CYRIB: variants seen among roughly 807,000 people sequenced by gnomAD.
CYRIB encodes the protein CYFIP related Rac1 interactor B.
A neutral mutation model predicts 44.2 loss-of-function variants in CYRIB; 8 were observed. That is an observed-to-expected ratio of 0.18 (90% CI 0.11 to 0.33). The LOEUF (loss-of-function observed/expected upper bound fraction) is 0.33. Ranked by LOEUF, CYRIB falls within the 10% of genes least tolerant of loss-of-function variation. CYRIB has a pLI of 1.00. For synonymous variants in CYRIB, 131 were observed against 127.2 expected (o/e 1.03, Z -0.20); for missense variants, 185 against 382.8 (o/e 0.48, Z 4.31).
chr8:130,003,659 T>A (rs1372953464), intron 1 of CYRIB, among the ~76,000 whole-genome samples: 1 of 152,204 alleles, frequency 6.6e-6, no homozygotes, highest in Non-Finnish European at 1.5e-5. Flanking sequence ...TTGGGGATGA[T>A]CAGGGAAAAC....
rs534296856 is a variant in CYRIB, at chr8:129,933,725, T to C, written c.-50+5883A>G. 7.9e-4 allele frequency among the ~76,000 whole-genome samples: 120 copies of C among 152,072 alleles called. 2 individuals carry two copies. Among genetic ancestry groups the C allele is most frequent in the Admixed American group, 2.0e-3 (30 of 15,264 alleles). ...CCCTGTCTCTAGTGAAAATATAAAA[T>C]TAGCTGGGCATGGTGGCACGCATCT... On this transcript the variant is annotated intron_variant, in intron 1 of 11. Transcript: ENST00000519824.
chr8:129,871,642 A>G, intron 3 of CYRIB, 146 bp from the exon 6 acceptor site: 1 of 784,726 alleles, frequency 1.3e-6, no homozygotes, highest in Non-Finnish European at 2.0e-6. Flanking sequence ...GAAAAGACTA[A>G]TACTTTTTCC....
At chr8:129,962,903 T>C (rs2131815335) in intron 2 of CYRIB, among the ~76,000 whole-genome samples, 1 of 152,340 alleles carries the variant, frequency 6.6e-6, no homozygotes, top group South Asian at 2.1e-4. Flanking sequence ...CTTTCCCTCA[T>C]TCTCAGTCTC....
chr8:130,003,410 C>A (rs1458247711), intron 1 of CYRIB, among the ~76,000 whole-genome samples: 3 of 152,194 alleles, frequency 2.0e-5, no homozygotes, highest in Admixed American at 6.5e-5. Context: ...TGGCCACCAG[C>A]AAGAAAATGC....
intron 2 of CYRIB, among the ~76,000 whole-genome samples, chr8:129,883,309 G>A (rs2061493336): frequency 6.6e-6 from 1 of 151,582 alleles, no homozygotes; most frequent in African/African-American, 2.4e-5. Flanking sequence ...TACAAGCTGT[G>A]ACAATCAAAA....
chr8:129,907,321 A>C (rs935945454), intron 1 of CYRIB, among the ~76,000 whole-genome samples: 4 of 151,774 alleles, frequency 2.6e-5, no homozygotes, highest in Non-Finnish European at 5.9e-5. Context: ...GCTGGAAATC[A>C]TCATTCTCAG....
intron 2 of CYRIB, among the ~76,000 whole-genome samples, chr8:129,960,949 C>CA (rs35845303): frequency 0.44 from 44,873 of 102,366 alleles, 8,238 homozygotes; most frequent in East Asian, 0.57. Context: ...GACTCAGTCT[C>CA]AAAAAAAAAA....
At chr8:129,937,881 TTCTCTCTC>T (rs35554242) in intron 1 of CYRIB, among the ~76,000 whole-genome samples, 350 of 147,682 alleles carry the variant, frequency 2.4e-3, no homozygotes, top group African/African-American at 3.6e-3. Context: ...CAAATACACA[TTCTCTCTC>T]TCTCTCTCTC....
intron 1 of CYRIB, among the ~76,000 whole-genome samples, chr8:129,994,659 C>T (rs1041077882): frequency 7.9e-5 from 12 of 152,248 alleles, no homozygotes; most frequent in African/African-American, 2.9e-4. Flanking sequence ...TGCCTTGCTA[C>T]AGCCTGGCGG....
chr8:129,980,227 CAA>C (rs58630436), intron 1 of CYRIB, among the ~76,000 whole-genome samples: 44,255 of 90,676 alleles, frequency 0.49, 8,547 homozygotes, highest in African/African-American at 0.7. Flanking sequence ...GACTCCATCT[CAA>C]AAAAAAAAAA....
At chr8:129,859,399 T>C (rs1273112390) in intron 5 of CYRIB, among the ~76,000 whole-genome samples, 4 of 151,932 alleles carry the variant, frequency 2.6e-5, no homozygotes, top group Non-Finnish European at 5.9e-5. Context: ...TCCGGATAAC[T>C]GCAGGTGGGC....
At chr8:129,957,752 T>G (rs985764903) in intron 2 of CYRIB, among the ~76,000 whole-genome samples, 1 of 150,736 alleles carries the variant, frequency 6.6e-6, no homozygotes. Flanking sequence ...GATCATGAGG[T>G]CAGGAGATCA....
intron 2 of CYRIB, among the ~76,000 whole-genome samples, chr8:129,965,969 G>A (rs184075321): frequency 1.6e-4 from 25 of 151,872 alleles, no homozygotes; most frequent in Admixed American, 1.1e-3. Flanking sequence ...CTCCTACGTC[G>A]GCTTCCCGAG....
chr8:129,930,716 G>A (rs476849), intron 1 of CYRIB, among the ~76,000 whole-genome samples: 80,614 of 151,744 alleles, frequency 0.53, 22,044 homozygotes, highest in African/African-American at 0.65. Context: ...TAAAAAGACA[G>A]AGCTTTAGTT....
At chr8:130,003,953 T>C (rs1257379496) in intron 1 of CYRIB, among the ~76,000 whole-genome samples, 1 of 152,190 alleles carries the variant, frequency 6.6e-6, no homozygotes, top group Non-Finnish European at 1.5e-5. Context: ...GCAGGAACAA[T>C]GACAAAGTCA....
intron 1 of CYRIB, among the ~76,000 whole-genome samples, chr8:129,974,409 T>C (rs2095836024): frequency 6.6e-6 from 1 of 152,180 alleles, no homozygotes; most frequent in African/African-American, 2.4e-5. Context: ...GAAGCTTTCC[T>C]TTCTCTGACC....
intron 1 of CYRIB, among the ~76,000 whole-genome samples, chr8:129,985,678 A>T (rs913428594): frequency 6.6e-6 from 1 of 152,188 alleles, no homozygotes; most frequent in Non-Finnish European, 1.5e-5. Flanking sequence ...AAATAGAGTG[A>T]GTGTGGCACA....
At chr8:129,956,934 G>A (rs1166899555) in intron 2 of CYRIB, among the ~76,000 whole-genome samples, 1 of 151,028 alleles carries the variant, frequency 6.6e-6, no homozygotes, top group Non-Finnish European at 1.5e-5. Context: ...GACCTCCAGG[G>A]CTCCAGTGAT....
intron 1 of CYRIB, among the ~76,000 whole-genome samples, chr8:129,934,394 G>C (rs1189708256): frequency 6.6e-6 from 1 of 152,022 alleles, no homozygotes; most frequent in Non-Finnish European, 1.5e-5. Flanking sequence ...ACATGAAAAA[G>C]GGCTGGCATA....
Sources: gnomAD v4.1 joint callset for allele counts (sites outside exome capture counted in the v4.1 genomes callset) on GRCh38, gnomAD v4.1.1 for gene constraint, MANE v1.5 for transcripts, NCBI Gene and HGNC (gene_info 2026-07-23, HGNC 2026-07-21) for gene names.